Variants in SGCZ observed in about 807,000 individuals in gnomAD.
The protein encoded by SGCZ is sarcoglycan zeta.
A neutral mutation model predicts 41.3 loss-of-function variants in SGCZ; 40 were observed. The ratio of observed to expected loss-of-function variants is 0.97; its 90% CI spans 0.75 to 1.26. SGCZ has a LOEUF of 1.26. Among genes scored for constraint, SGCZ ranks in the 50% most tolerant of loss-of-function variants. The pLI is 0.00. For synonymous variants in SGCZ, 206 were observed against 137.5 expected (o/e 1.50, Z -3.49); for missense variants, 552 against 369.8 (o/e 1.49, Z -4.04).
chr8:14,635,526 T>C (rs1806800094), intron 1 of SGCZ, among the ~76,000 whole-genome samples: 1 of 152,006 alleles, frequency 6.6e-6, no homozygotes, highest in Non-Finnish European at 1.5e-5. Context: ...AGAAATACAC[T>C]CTGAAAATAT....
chr8:14,243,743 T>C (rs1798975406), intron 3 of SGCZ, among the ~76,000 whole-genome samples: 1 of 152,194 alleles, frequency 6.6e-6, no homozygotes, highest in African/African-American at 2.4e-5. Context: ...TAGACATTTT[T>C]CCAGTCCAAG....
At chr8:14,937,474 A>G (rs902224275) in intron 1 of SGCZ, among the ~76,000 whole-genome samples, 1 of 152,066 alleles carries the variant, frequency 6.6e-6, no homozygotes, top group African/African-American at 2.4e-5. Flanking sequence ...TTCATAAGAA[A>G]CAAAAATTGG....
At chr8:14,648,212 T>C (rs1036875016) in intron 1 of SGCZ, among the ~76,000 whole-genome samples, 1 of 152,074 alleles carries the variant, frequency 6.6e-6, no homozygotes, top group African/African-American at 2.4e-5. Context: ...TCAAAAAATA[T>C]TACAAACTTT....
chr8:14,147,972 A>G lies in SGCZ; in HGVS notation c.547+16608T>C, dbSNP rs543767183. Among the ~76,000 whole-genome samples, 18 of 152,316 alleles carry G rather than the reference A, an allele frequency of 1.2e-4. No homozygotes were observed. The South Asian group carries it at 3.5e-3, about 30-fold the overall frequency. On this transcript the variant is annotated intron_variant, in intron 5 of 7. Coordinates refer to ENST00000382080, the MANE Select transcript of SGCZ (RefSeq NM_139167.4). ...CAATGATCAGTGTGTCAATAAAGAA[A>G]TTAAGAAGGAAATGGAAAAATTTCT...
chr8:15,203,429 C>G (rs190793515), intron 1 of SGCZ, among the ~76,000 whole-genome samples: 4 of 152,248 alleles, frequency 2.6e-5, no homozygotes, highest in Admixed American at 2.6e-4. Context: ...TTATGCACAT[C>G]TTTATCAGGT....
intron 1 of SGCZ, among the ~76,000 whole-genome samples, chr8:15,016,448 T>A (rs1803036330): frequency 6.6e-6 from 1 of 152,062 alleles, no homozygotes; most frequent in Admixed American, 6.6e-5. Context: ...TGTAGCATAA[T>A]CTCTTGGCAG....
chr8:14,229,993 G>C (rs181246511), intron 4 of SGCZ, among the ~76,000 whole-genome samples: 1 of 152,206 alleles, frequency 6.6e-6, no homozygotes, highest in African/African-American at 2.4e-5. Context: ...AAGAGTAAAA[G>C]CATAGCTAGG....
intron 3 of SGCZ, among the ~76,000 whole-genome samples, chr8:14,281,870 T>TC (rs1429446134): frequency 1.4e-3 from 3 of 2,102 alleles, no homozygotes; most frequent in African/African-American, 1.5e-3. Context: ...ATACTGTTCT[T>TC]TTTTTTTATT....
chr8:14,449,622 A>G (rs1800533964), intron 2 of SGCZ, among the ~76,000 whole-genome samples: 2 of 152,266 alleles, frequency 1.3e-5, no homozygotes, highest in African/African-American at 2.4e-5. Context: ...AGTATGAAGC[A>G]TCCTCATAGG....
intron 2 of SGCZ, among the ~76,000 whole-genome samples, chr8:14,377,903 C>T (rs368446759): frequency 6.6e-6 from 1 of 151,024 alleles, no homozygotes; most frequent in South Asian, 2.1e-4. Flanking sequence ...TGTATATGTG[C>T]CACATTTTCT....
At chr8:14,582,630 G>A (rs1271748795) in intron 1 of SGCZ, among the ~76,000 whole-genome samples, 1 of 148,916 alleles carries the variant, frequency 6.7e-6, no homozygotes, top group Admixed American at 6.7e-5. Context: ...TTAGCATTAG[G>A]TATATCTCCT....
intron 1 of SGCZ, among the ~76,000 whole-genome samples, chr8:15,232,740 T>G (rs1257068693): frequency 6.8e-6 from 1 of 146,810 alleles, no homozygotes; most frequent in Non-Finnish European, 1.5e-5. Flanking sequence ...CATATATATG[T>G]GTGTATATAT....
At chr8:14,997,934 T>C (rs973272424) in intron 1 of SGCZ, among the ~76,000 whole-genome samples, 1 of 151,860 alleles carries the variant, frequency 6.6e-6, no homozygotes, top group African/African-American at 2.4e-5. Flanking sequence ...CACTCCAGCC[T>C]GGGCGAAAGA....
At chr8:14,691,051 C>A (rs780177602) in intron 1 of SGCZ, among the ~76,000 whole-genome samples, 4 of 152,096 alleles carry the variant, frequency 2.6e-5, no homozygotes, top group Non-Finnish European at 5.9e-5. Context: ...TTAATAAGTC[C>A]TACTATATGT....
intron 2 of SGCZ, among the ~76,000 whole-genome samples, chr8:14,349,806 GAAT>G (rs879590693): frequency 6.6e-6 from 1 of 151,956 alleles, no homozygotes; most frequent in Non-Finnish European, 1.5e-5. Flanking sequence ...GTATCTTCTG[GAAT>G]AACAGTCCAA....
intron 1 of SGCZ, among the ~76,000 whole-genome samples, chr8:14,832,958 A>T (rs896038590): frequency 6.6e-6 from 1 of 152,114 alleles, no homozygotes; most frequent in African/African-American, 2.4e-5. Context: ...CATGAATTTT[A>T]AAATATTTCT....
chr8:14,146,890 A>AAAAAAAAAAAAAAAAAAAAATAAT (rs1182329393), intron 5 of SGCZ, among the ~76,000 whole-genome samples: 2 of 116,182 alleles, frequency 1.7e-5, no homozygotes, highest in East Asian at 2.4e-4. Context: ...AAAATAAAAA[A>AAAAAAAAAAAAAAAAAAAAATAAT]AATAATAATA....
At chr8:14,736,538 C>A (rs1299381378) in intron 1 of SGCZ, among the ~76,000 whole-genome samples, 1 of 151,934 alleles carries the variant, frequency 6.6e-6, no homozygotes, top group East Asian at 1.9e-4. Context: ...TGAGTAAGTT[C>A]TTCAGTGGTG....
At chr8:14,647,843 T>A (rs1040378973) in intron 1 of SGCZ, among the ~76,000 whole-genome samples, 1 of 152,102 alleles carries the variant, frequency 6.6e-6, no homozygotes, top group Non-Finnish European at 1.5e-5. Flanking sequence ...TTCTCATCTG[T>A]AAGTTGAAGT....
Sources: gnomAD v4.1 joint callset for allele counts (sites outside exome capture counted in the v4.1 genomes callset) on GRCh38, gnomAD v4.1.1 for gene constraint, MANE v1.5 for transcripts, NCBI Gene and HGNC (gene_info 2026-07-23, HGNC 2026-07-21) for gene names.